R3HDM1: variants seen among roughly 807,000 people sequenced by gnomAD.
R3HDM1 encodes the protein R3H domain containing 1, also known as R3H domain-containing protein 1.
Under a neutral mutation model 141.1 loss-of-function variants are expected in R3HDM1, and 46 were observed. That is an observed-to-expected ratio of 0.33 (90% CI 0.26 to 0.42). The LOEUF (loss-of-function observed/expected upper bound fraction) is 0.42. R3HDM1 is among the 10% of genes least tolerant of loss of function. The pLI, the probability that R3HDM1 is intolerant of heterozygous loss-of-function variation, is 1.00. For missense variants in R3HDM1, 1,184 were observed against 1,368.3 expected, an observed-to-expected ratio of 0.87 and a Z score of 2.12; for synonymous variants, 435 against 472.9, an observed-to-expected ratio of 0.92 and a Z score of 1.04.
chr2:135,714,318 A>G (rs1263959885), intron 23 of R3HDM1, among the ~76,000 whole-genome samples: 2 of 152,208 alleles, frequency 1.3e-5, no homozygotes, highest in East Asian at 1.9e-4. Context: ...GAACTTTTTA[A>G]TGAGGAGACA....
chr2:135,563,162 TACTCAGGC>T (rs1299522824), intron 1 of R3HDM1, among the ~76,000 whole-genome samples: 16 of 152,360 alleles, frequency 1.1e-4, no homozygotes, highest in African/African-American at 3.4e-4. Context: ...TATGAGATCA[TACTCAGGC>T]ACTCTGAAAT....
intron 21 of R3HDM1, among the ~76,000 whole-genome samples, chr2:135,683,077 A>C (rs1175739621): frequency 6.6e-6 from 1 of 152,222 alleles, no homozygotes; most frequent in Non-Finnish European, 1.5e-5. Context: ...AATAAGGTAG[A>C]TGTAAGCTGA....
intron 18 of R3HDM1, among the ~76,000 whole-genome samples, chr2:135,657,164 A>G (rs2105295763): frequency 6.6e-6 from 1 of 151,902 alleles, no homozygotes; most frequent in East Asian, 1.9e-4. Context: ...GCACTTTGGG[A>G]GGCTGAGATG....
intron 1 of R3HDM1, among the ~76,000 whole-genome samples, chr2:135,534,671 G>T (rs1039881728): frequency 6.6e-6 from 1 of 152,206 alleles, no homozygotes; most frequent in Non-Finnish European, 1.5e-5. Flanking sequence ...TATATATGGT[G>T]GGCCTCCGAA....
intron 19 of R3HDM1, 121 bp from the exon 20 acceptor site, chr2:135,675,211 G>C (rs1037849382): frequency 5.0e-6 from 5 of 996,948 alleles, no homozygotes; most frequent in Non-Finnish European, 7.2e-6. Context: ...GGTTTTAGGG[G>C]CTTACCATTT....
intron 15 of R3HDM1, 152 bp downstream of exon 15, chr2:135,641,942 G>T: frequency 9.5e-7 from 1 of 1,056,850 alleles, no homozygotes; most frequent in South Asian, 2.0e-5. Context: ...TTAATGCTAG[G>T]GAAGTTTCAA....
chr2:135,593,189 G>A (rs1454403673), intron 1 of R3HDM1, among the ~76,000 whole-genome samples: 3 of 151,956 alleles, frequency 2.0e-5, no homozygotes, highest in African/African-American at 7.3e-5. Context: ...CAAAGTGCTG[G>A]GATTACAGGC....
At chr2:135,542,771 C>T (rs61528978) in intron 1 of R3HDM1, among the ~76,000 whole-genome samples, 6,747 of 152,294 alleles carry the variant, frequency 0.044, 503 homozygotes, top group African/African-American at 0.16. Context: ...CGGCGTCTCA[C>T]TCTGTAGCCC....
chr2:135,643,569 C>CT (rs1316940610), intron 15 of R3HDM1, among the ~76,000 whole-genome samples: 2 of 152,104 alleles, frequency 1.3e-5, no homozygotes, highest in Admixed American at 6.5e-5. Context: ...CTTCTTGTTT[C>CT]TTTTTTTAAC....
chr2:135,709,916 C>G (rs534840423), intron 22 of R3HDM1, 143 bp from the exon 23 acceptor site: 2 of 796,704 alleles, frequency 2.5e-6, no homozygotes, highest in Admixed American at 5.6e-5. Flanking sequence ...TAGTGTGATG[C>G]ACTAGGGCTT....
chr2:135,558,906 C>A, intron 1 of R3HDM1: 1 of 644,930 alleles, frequency 1.6e-6, no homozygotes. Context: ...TTTTAGGATT[C>A]CTTAAGGGTT....
intron 1 of R3HDM1, among the ~76,000 whole-genome samples, chr2:135,568,291 G>A (rs891071737): frequency 3.4e-5 from 5 of 147,790 alleles, no homozygotes; most frequent in South Asian, 2.2e-4. Context: ...TAAGTGATCC[G>A]CCCACCTTGG....
chr2:135,595,591 TAATA>T (rs774083490), intron 1 of R3HDM1, among the ~76,000 whole-genome samples: 4 of 152,238 alleles, frequency 2.6e-5, no homozygotes, highest in East Asian at 1.9e-4. Context: ...GCTTAGTAAA[TAATA>T]AATAACTCTT....
Position 135,605,269 on chromosome 2 carries a change from C to G in R3HDM1, c.171+253C>G, listed in dbSNP as rs3769020. The G allele has an allele frequency of 2.4e-4, 57 of 235,156 alleles. No homozygotes were observed. The East Asian group carries it at 5.3e-3, about 22-fold the overall frequency. 14.6% of individuals were successfully genotyped at this position (235,156 alleles called of 1,614,324 possible). On this transcript the variant is annotated intron_variant, in intron 3 of 26. Transcript: ENST00000683871. ...TTGGCTTTCTACTTTCTCATTCCAC[C>G]CTTTTCCTAATTACCAGTGCTGTGA...
chr2:135,696,479 T>C (rs1246856369), intron 21 of R3HDM1, among the ~76,000 whole-genome samples: 1 of 152,182 alleles, frequency 6.6e-6, no homozygotes, highest in Non-Finnish European at 1.5e-5. Flanking sequence ...TCAGTAAAAC[T>C]ATAAAATAAT....
intron 20 of R3HDM1, among the ~76,000 whole-genome samples, chr2:135,676,332 G>A (rs139663700): frequency 0.012 from 1,850 of 152,128 alleles, 30 homozygotes; most frequent in African/African-American, 0.041. Flanking sequence ...AAAACAAAAT[G>A]TTACAGATTT....
At chr2:135,667,514 T>C in intron 19 of R3HDM1, 1 of 557,578 alleles carries the variant, frequency 1.8e-6, no homozygotes, top group Non-Finnish European at 2.3e-6. Flanking sequence ...TAAATTCCTA[T>C]AAAAGATATA....
At chr2:135,581,368 T>A (rs866014469) in intron 1 of R3HDM1, 1 of 984,910 alleles carries the variant, frequency 1.0e-6, no homozygotes, top group Admixed American at 6.1e-5. Context: ...CATTTCACTT[T>A]ACCTTTAACG....
intron 1 of R3HDM1, among the ~76,000 whole-genome samples, chr2:135,553,830 A>T (rs541152492): frequency 2.6e-5 from 4 of 152,336 alleles, no homozygotes; most frequent in African/African-American, 7.2e-5. Flanking sequence ...AGCTGGGATT[A>T]CAGGCGTGAG....
Sources: gnomAD v4.1 joint callset for allele counts (sites outside exome capture counted in the v4.1 genomes callset) on GRCh38, gnomAD v4.1.1 for gene constraint, MANE v1.5 for transcripts, NCBI Gene and HGNC (gene_info 2026-07-23, HGNC 2026-07-21) for gene names.